TEX9: variants seen among roughly 807,000 people sequenced by gnomAD.
TEX9 encodes testis expressed 9, also known as testis-expressed protein 9.
Under a neutral mutation model 59.6 loss-of-function variants are expected in TEX9, and 74 were observed. That is an observed-to-expected ratio of 1.24 (90% CI 1.03 to 1.51). TEX9 has a LOEUF of 1.51. TEX9 is among the 40% of genes most tolerant of loss of function. TEX9 has a pLI of 0.00. For synonymous variants in TEX9, 186 were observed against 152.2 expected, an observed-to-expected ratio of 1.22 and a Z score of -1.64; for missense variants, 522 against 447.8, an observed-to-expected ratio of 1.17 and a Z score of -1.49.
chr15:56,255,626 T>TA (rs1434784437), intron 1 of TEX9, among the ~76,000 whole-genome samples: 5 of 152,034 alleles, frequency 3.3e-5, no homozygotes, highest in African/African-American at 1.2e-4. Context: ...TTTGACAAGA[T>TA]AAAAAATGTT....
intron 1 of TEX9, among the ~76,000 whole-genome samples, chr15:56,358,931 G>A (rs62022095): frequency 2.0e-4 from 30 of 152,116 alleles, no homozygotes; most frequent in African/African-American, 6.3e-4. Flanking sequence ...TTCTCCTTCC[G>A]CCATGATTGT....
At chr15:56,391,741 A>G (rs2048221079) in intron 7 of TEX9, among the ~76,000 whole-genome samples, 1 of 152,116 alleles carries the variant, frequency 6.6e-6, no homozygotes, top group Admixed American at 6.6e-5. Flanking sequence ...ATACATTTCA[A>G]CTTAAGTTAA....
intron 1 of TEX9, among the ~76,000 whole-genome samples, chr15:56,307,756 C>G (rs1017673235): frequency 7.2e-5 from 11 of 152,202 alleles, no homozygotes; most frequent in African/African-American, 2.7e-4. Context: ...CCCCCAGTCT[C>G]TGAGTCTCTG....
intron 1 of TEX9, among the ~76,000 whole-genome samples, chr15:56,344,729 A>T (rs1426069): frequency 0.31 from 47,263 of 151,972 alleles, 8,039 homozygotes; most frequent in Middle Eastern, 0.48. Flanking sequence ...ATTAGAAAAA[A>T]AATCATTAGG....
rs189091089 is a variant in TEX9 at position 56,422,461 on chromosome 15, A to G, written c.964-5144A>G. 5.3e-4 allele frequency among the ~76,000 whole-genome samples: 81 copies of G among 151,478 alleles called. 1 individual carries two copies. Among genetic ancestry groups the G allele is most frequent in the Admixed American group, 4.0e-3 (61 of 15,236 alleles). The stretch of plus-strand genomic sequence containing the variant: ...TCCATTTTATCTCCTTTATTAGATC[A>G]TTATCTGTACTTCTTTGTATGCATT... On this transcript the variant is annotated intron_variant, in intron 10 of 12. Coordinates refer to ENST00000352903, the Ensembl canonical transcript of TEX9.
intron 12 of TEX9, among the ~76,000 whole-genome samples, chr15:56,442,532 T>C (rs2050834479): frequency 6.6e-6 from 1 of 152,202 alleles, no homozygotes; most frequent in South Asian, 2.1e-4. Flanking sequence ...ATGTGGTACA[T>C]GTACACCACG....
intron 1 of TEX9, among the ~76,000 whole-genome samples, chr15:56,329,193 C>G (rs763562091): frequency 5.9e-5 from 9 of 152,174 alleles, no homozygotes; most frequent in Non-Finnish European, 1.2e-4. Flanking sequence ...GGCAGTATCT[C>G]TGTGAGTCTA....
At chr15:56,413,193 A>T (rs139786595) in intron 10 of TEX9, among the ~76,000 whole-genome samples, 1 of 43,960 alleles carries the variant, frequency 2.3e-5, no homozygotes, top group East Asian at 9.8e-4. Flanking sequence ...TTTAATAATT[A>T]AATATTTAAT....
At chr15:56,256,749 A>G (rs1021188273) in intron 1 of TEX9, among the ~76,000 whole-genome samples, 1 of 152,074 alleles carries the variant, frequency 6.6e-6, no homozygotes, top group East Asian at 1.9e-4. Flanking sequence ...ACTGAATTTA[A>G]GCTAATTTTT....
At position 56,443,271 on chromosome 15, in the gene TEX9, T is replaced by C. The variant is rs1426082247; in HGVS notation, c.*30-2400T>C. On this transcript the variant is annotated intron_variant, in intron 12 of 12. Transcript: ENST00000352903. ...AAATTGATGCCTGAGTCTATCTTTT[T>C]AGCCAGCTTGAAAATTTCTGTCTTT... Among the ~76,000 whole-genome samples the C allele has an allele frequency of 4.6e-5, 7 of 152,222 alleles. No homozygotes were observed. In the East Asian group the frequency reaches 1.3e-3, roughly 29 times the overall value.
At chr15:56,269,456 T>C (rs1337406282) in intron 1 of TEX9, among the ~76,000 whole-genome samples, 1 of 152,140 alleles carries the variant, frequency 6.6e-6, no homozygotes, top group Non-Finnish European at 1.5e-5. Flanking sequence ...CTTGTGGGCA[T>C]TTAGTGCTAT....
chr15:56,431,264 A>G, intron 12 of TEX9: 1 of 1,306,622 alleles, frequency 7.7e-7, no homozygotes. Context: ...TTGCTGCTTC[A>G]TAACCGAGCA....
At chr15:56,389,104 A>G (rs2048091748) in intron 5 of TEX9, among the ~76,000 whole-genome samples, 1 of 151,928 alleles carries the variant, frequency 6.6e-6, no homozygotes, top group Admixed American at 6.6e-5. Flanking sequence ...TTTAGGACTC[A>G]TTTTCCTTAT....
upstream of TEX9, among the ~76,000 whole-genome samples, chr15:56,362,900 C>T (rs1420690321): frequency 6.6e-6 from 1 of 152,194 alleles, no homozygotes; most frequent in Non-Finnish European, 1.5e-5. Flanking sequence ...ATTCAAGGTT[C>T]ATCCATATTG....
chr15:56,304,883 C>T (rs1317442989), intron 1 of TEX9, among the ~76,000 whole-genome samples: 4 of 152,202 alleles, frequency 2.6e-5, no homozygotes, highest in Admixed American at 6.6e-5. Flanking sequence ...CCACCATGCC[C>T]GGTTAATTTT....
intron 1 of TEX9, among the ~76,000 whole-genome samples, chr15:56,311,051 T>C (rs1380463369): frequency 6.6e-6 from 1 of 152,058 alleles, no homozygotes. Context: ...CCTTCTGCCC[T>C]GGCATTTGCA....
At chr15:56,443,237 T>G (rs779540693) in intron 12 of TEX9, among the ~76,000 whole-genome samples, 3 of 152,206 alleles carry the variant, frequency 2.0e-5, no homozygotes, top group Admixed American at 2.0e-4. Flanking sequence ...CTTTTTATGG[T>G]AAGTTTATAA....
chr15:56,245,356 C>T (rs1315225582), intron 1 of TEX9, among the ~76,000 whole-genome samples: 1 of 152,208 alleles, frequency 6.6e-6, no homozygotes, highest in African/African-American at 2.4e-5. Context: ...AAGCCGCCCC[C>T]CCGCCCCCGG....
intron 1 of TEX9, among the ~76,000 whole-genome samples, chr15:56,249,345 T>A (rs2043951357): frequency 6.6e-6 from 1 of 152,042 alleles, no homozygotes; most frequent in South Asian, 2.1e-4. Context: ...GCAGTGTCAA[T>A]GTTATTTCTG....
Sources: allele counts gnomAD v4.1 joint callset (sites outside exome capture counted in the v4.1 genomes callset), GRCh38; gene constraint gnomAD v4.1.1; transcripts MANE v1.5; gene names NCBI Gene and HGNC (gene_info 2026-07-23, HGNC 2026-07-21).